LRRFIP1: variants seen among roughly 807,000 people sequenced by gnomAD.
LRRFIP1 encodes the protein LRR binding FLII interacting protein 1, also known as leucine-rich repeat flightless-interacting protein 1.
A neutral mutation model predicts 104.4 loss-of-function variants in LRRFIP1; 62 were observed. The ratio of observed to expected loss-of-function variants is 0.59; its 90% confidence interval spans 0.48 to 0.73. The LOEUF is 0.73. Among genes scored for constraint, LRRFIP1 ranks in the 30% least tolerant of loss-of-function variants. The pLI, the probability that LRRFIP1 is intolerant of heterozygous loss-of-function variation, is 0.00. For synonymous variants in LRRFIP1, 300 were observed against 299.0 expected (o/e 1.00, Z -0.03); for missense variants, 796 against 824.5 (o/e 0.97, Z 0.42).
At chr2:237,700,220 A>T (rs1311654849) in intron 1 of LRRFIP1, among the ~76,000 whole-genome samples, 3 of 152,180 alleles carry the variant, frequency 2.0e-5, no homozygotes, top group Non-Finnish European at 4.4e-5. Flanking sequence ...TTCCTATAGC[A>T]AAGTGGCTCA....
chr2:237,728,532 C>T (rs1247550850), intron 8 of LRRFIP1, among the ~76,000 whole-genome samples: 10 of 40,550 alleles, frequency 2.5e-4, no homozygotes, highest in South Asian at 1.2e-3. Flanking sequence ...GGAGACCGGG[C>T]GGGGGTGGGG....
chr2:237,675,568 C>T (rs557866023), intron 1 of LRRFIP1, among the ~76,000 whole-genome samples: 1 of 152,282 alleles, frequency 6.6e-6, no homozygotes, highest in South Asian at 2.1e-4. Context: ...GGTTTAAATG[C>T]CTCTAGGAAC....
chr2:237,762,989 G>T (rs1337083679), intron 19 of LRRFIP1: 2 of 1,614,130 alleles, frequency 1.2e-6, no homozygotes, highest in African/African-American at 2.7e-5. Context: ...TGTGGGAGAG[G>T]CAGCAGTGAC....
intron 1 of LRRFIP1, among the ~76,000 whole-genome samples, chr2:237,633,150 G>A (rs142678296): frequency 6.6e-5 from 10 of 152,260 alleles, no homozygotes; most frequent in African/African-American, 1.4e-4. Flanking sequence ...GAACCCAGCC[G>A]CAGTGGAGTC....
chr2:237,681,697 T>TTTTTTTTTTTTTTTTTTTTG (rs1161155692), intron 1 of LRRFIP1, among the ~76,000 whole-genome samples: 1 of 107,928 alleles, frequency 9.3e-6, no homozygotes, highest in East Asian at 3.3e-4. Flanking sequence ...TTTTTTTTTT[T>TTTTTTTTTTTTTTTTTTTTG]GAGACGGAGT....
At chr2:237,643,907 C>T (rs1233033967) in intron 1 of LRRFIP1, among the ~76,000 whole-genome samples, 1 of 152,160 alleles carries the variant, frequency 6.6e-6, no homozygotes, top group Non-Finnish European at 1.5e-5. Flanking sequence ...GGTGTGGGTT[C>T]TCAGAAATGT....
At chr2:237,657,481 G>T (rs1008808458) in intron 1 of LRRFIP1, among the ~76,000 whole-genome samples, 5 of 152,046 alleles carry the variant, frequency 3.3e-5, no homozygotes, top group Admixed American at 3.3e-4. Context: ...TTCTTGAGAA[G>T]ACAGGCAAAA....
intron 11 of LRRFIP1, among the ~76,000 whole-genome samples, chr2:237,745,355 C>T (rs982675679): frequency 6.6e-5 from 10 of 152,196 alleles, no homozygotes; most frequent in African/African-American, 1.4e-4. Flanking sequence ...TTTGCCATCA[C>T]CTTTCAACAA....
At chr2:237,687,438 C>T (rs1308457815) in intron 1 of LRRFIP1, among the ~76,000 whole-genome samples, 2 of 151,874 alleles carry the variant, frequency 1.3e-5, no homozygotes, top group Non-Finnish European at 2.9e-5. Flanking sequence ...AACCCCATCT[C>T]TACTAAAAAT....
intron 1 of LRRFIP1, among the ~76,000 whole-genome samples, chr2:237,670,061 A>T (rs1304357051): frequency 6.6e-6 from 1 of 152,246 alleles, no homozygotes; most frequent in Non-Finnish European, 1.5e-5. Context: ...GGTGGGAGAT[A>T]GTTCTAATTT....
chr2:237,763,395 C>T, intron 19 of LRRFIP1: 1 of 1,614,022 alleles, frequency 6.2e-7, no homozygotes, highest in East Asian at 2.2e-5. Context: ...CAGGGAGAGG[C>T]ATTGGACTCA....
intron 1 of LRRFIP1, among the ~76,000 whole-genome samples, chr2:237,631,566 C>T (rs1390246609): frequency 6.6e-6 from 1 of 152,216 alleles, no homozygotes. Context: ...TGCAGAAGCT[C>T]ATTAGCACCA....
chr2:237,627,772 C>A, intron 1 of LRRFIP1, 32 bp downstream of exon 1: 1 of 1,199,708 alleles, frequency 8.3e-7, no homozygotes. Flanking sequence ...CCGGGGGGCG[C>A]CGGGCGGGCG....
intron 1 of LRRFIP1, among the ~76,000 whole-genome samples, chr2:237,651,083 G>A (rs1253439448): frequency 2.0e-5 from 3 of 152,184 alleles, no homozygotes; most frequent in Non-Finnish European, 4.4e-5. Flanking sequence ...TACTCTTTAA[G>A]TTGGAGGTTT....
At chr2:237,743,032 CA>C (rs3215065) in intron 11 of LRRFIP1, among the ~76,000 whole-genome samples, 21 of 148,376 alleles carry the variant, frequency 1.4e-4, no homozygotes, top group African/African-American at 2.5e-4. Flanking sequence ...CCCAAAAAAA[CA>C]AAAAAAAAAC....
intron 8 of LRRFIP1, among the ~76,000 whole-genome samples, chr2:237,731,870 G>A (rs752024441): frequency 4.6e-5 from 7 of 152,124 alleles, no homozygotes; most frequent in Non-Finnish European, 1.0e-4. Context: ...CTGTGTGCCC[G>A]TGATTTGCTG....
intron 1 of LRRFIP1, among the ~76,000 whole-genome samples, chr2:237,676,166 C>T (rs1026598515): frequency 8.5e-5 from 13 of 152,198 alleles, no homozygotes; most frequent in African/African-American, 3.1e-4. Flanking sequence ...GCATTGCTTT[C>T]CCCAGCCCTT....
At chr2:237,664,970 A>C (rs1360002540) in intron 1 of LRRFIP1, among the ~76,000 whole-genome samples, 1 of 152,214 alleles carries the variant, frequency 6.6e-6, no homozygotes. Flanking sequence ...TTTTCTTTGG[A>C]AGCTAACAAA....
chr2:237,635,893 T>G (rs2083019000), intron 1 of LRRFIP1, among the ~76,000 whole-genome samples: 1 of 152,006 alleles, frequency 6.6e-6, no homozygotes, highest in Non-Finnish European at 1.5e-5. Flanking sequence ...GCTCAGGAGT[T>G]TGAGACCAGT....
Sources: gnomAD v4.1 joint callset for allele counts (sites outside exome capture counted in the v4.1 genomes callset) on GRCh38, gnomAD v4.1.1 for gene constraint, MANE v1.5 for transcripts, NCBI Gene and HGNC (gene_info 2026-07-23, HGNC 2026-07-21) for gene names.